Variants in CSK observed in about 807,000 individuals in gnomAD.
The protein encoded by CSK is C-terminal Src kinase, also known as tyrosine-protein kinase CSK.
CSK carries 7 observed loss-of-function variants against 62.3 expected under a neutral mutation model. That is an observed-to-expected ratio of 0.11 (90% confidence interval 0.06 to 0.21). The LOEUF (loss-of-function observed/expected upper bound fraction) is 0.21, where lower values mean the gene tolerates loss of function less well. CSK is among the 10% of genes least tolerant of loss of function. CSK has a pLI of 1.00. For synonymous variants in CSK, 237 were observed against 246.0 expected, an observed-to-expected ratio of 0.96 and a Z score of 0.34; for missense variants, 294 against 613.5, an observed-to-expected ratio of 0.48 and a Z score of 5.50.
Position 74,802,785 on chromosome 15 carries a change from G to A in CSK, c.*272G>A, listed in dbSNP as rs1471875513. 3.1e-5 allele frequency: 13 copies of A among 416,730 alleles called. No individual in the cohort carries two copies. The highest frequency in any genetic ancestry group is 2.9e-4 in the East Asian group (7 of 24,398). The allele number at this position is 416,730 out of a possible 1,614,324, so 25.8% of individuals were successfully genotyped here. A position where few individuals can be genotyped will look rare whatever the true frequency, so the allele number is the denominator to read the frequency against. ...GGGCTTCCCTGGCCTCCCGCCACTC[G>A]CCTTCTTAGAGTTTTATTCCTTTCC... On this transcript the variant is annotated 3_prime_UTR_variant, in exon 13 of 13. Coordinates refer to ENST00000220003, the MANE Select transcript of CSK (RefSeq NM_004383.3).
chr15:74,786,627 G>C (rs1313862464), intron 1 of CSK, among the ~76,000 whole-genome samples: 1 of 152,158 alleles, frequency 6.6e-6, no homozygotes, highest in East Asian at 1.9e-4. Flanking sequence ...TGTTCCCCAG[G>C]TCTAACCTGA....
chr15:74,800,314 C>G (rs2063768943), intron 5 of CSK, 98 bp from the exon 6 acceptor site: 1 of 1,024,850 alleles, frequency 9.8e-7, no homozygotes, highest in East Asian at 2.6e-5. Flanking sequence ...CCAGGCTAGG[C>G]GGGGCTGGCC....
chr15:74,783,657 C>T (rs919551875), intron 1 of CSK, among the ~76,000 whole-genome samples: 1 of 152,226 alleles, frequency 6.6e-6, no homozygotes, highest in Non-Finnish European at 1.5e-5. Context: ...TGGTTGAGCA[C>T]GTGCTTCCCT....
At position 74,799,262 on chromosome 15, in the gene CSK, T is replaced by G; in HGVS notation, c.243-10T>G. 1.9e-6 allele frequency: 3 copies of G among 1,602,876 alleles called. No homozygotes were observed. Among genetic ancestry groups the G allele is most frequent in the Non-Finnish European group, 2.6e-6 (3 of 1,174,548 alleles). ...GGGCCACCATGACCTCCAGCCCTGCTGCTCCCCAGTTGGTTCCACGGCAAG... is the reference window on the plus strand; with the variant it reads ...GGGCCACCATGACCTCCAGCCCTGCGGCTCCCCAGTTGGTTCCACGGCAAG... On this transcript the variant is annotated splice_polypyrimidine_tract_variant and intron_variant, in intron 4 of 12. Transcript: ENST00000220003.
intron 1 of CSK, among the ~76,000 whole-genome samples, chr15:74,789,133 A>C (rs1479559043): frequency 1.3e-5 from 2 of 152,206 alleles, no homozygotes; most frequent in African/African-American, 4.8e-5. Context: ...AGGGGAAAAA[A>C]AGCCAGTGTG....
At chr15:74,797,841 C>T (rs2063730253) in intron 1 of CSK, 1 of 157,862 alleles carries the variant, frequency 6.3e-6, no homozygotes, top group South Asian at 1.8e-4. Context: ...ACCCAAGGAC[C>T]CACAGAGCAT....
rs377449027 is a variant in CSK at position 74,800,942 on chromosome 15, G to T, written c.722+20G>T. ...CATGACGTGAGTGGGGGCGGGGTAG[G>T]GGGGAGGTTGGCCTAGGTTAGGAGT... On this transcript the variant is annotated intron_variant, in intron 8 of 12. Transcript: ENST00000220003. The T allele has an allele frequency of 4.3e-6, 7 of 1,612,882 alleles. No homozygotes were observed. The highest frequency in any genetic ancestry group is 2.2e-5 in the East Asian group (1 of 44,884).
At chr15:74,800,950 T>C in intron 8 of CSK, 28 bp downstream of exon 8, 1 of 1,611,262 alleles carries the variant, frequency 6.2e-7, no homozygotes, top group Non-Finnish European at 8.5e-7. Context: ...AGGGGGGAGG[T>C]TGGCCTAGGT....
At position 74,801,761 on chromosome 15, in the gene CSK, C is replaced by T. The variant is rs1358482796; in HGVS notation, c.954C>T (p.Arg318=). The change falls in exon 11 of 13, where the codon CGC becomes CGT. Residue 318 remains arginine (R), a synonymous_variant. Transcript: ENST00000220003. ...NNFVHRDLAA[R]NVLVSEDNVA... ...TCGTGCATCGAGACCTGGCTGCCCGCAATGTGCTGGTGTCTGAGGACAACG... is the reference window on the plus strand; with the variant it reads ...TCGTGCATCGAGACCTGGCTGCCCGTAATGTGCTGGTGTCTGAGGACAACG... 2 of 1,614,082 alleles carry T rather than the reference C, an allele frequency of 1.2e-6. No individual in the cohort carries two copies. The highest frequency in any genetic ancestry group is 1.7e-6 in the Non-Finnish European group (2 of 1,180,022).
In CSK at chr15:74,782,107, G is replaced by A. The variant is rs2063442109; in HGVS notation, c.-679G>A. The stretch of plus-strand genomic sequence containing the variant: ...ATCCGGGCCGCGCTTCCTCTCGCCA[G>A]GCCTGCGAGCTTCCTCCCAGCGGAG... On this transcript the variant is annotated 5_prime_UTR_variant, in exon 1 of 13. Transcript: ENST00000220003. The surrounding 1 kb of genome is among the most constrained non-coding windows in gnomAD (Gnocchi z 5.7). 6.7e-6 allele frequency: 1 copy of A among 148,152 alleles called. No homozygotes were observed. The highest frequency in any genetic ancestry group is 6.7e-5 in the Admixed American group (1 of 14,830). The allele number at this position is 148,152 out of a possible 1,614,324, so 9.2% of individuals were successfully genotyped here.
At chr15:74,789,531 G>A (rs1413866585) in intron 1 of CSK, among the ~76,000 whole-genome samples, 1 of 152,172 alleles carries the variant, frequency 6.6e-6, no homozygotes, top group Non-Finnish European at 1.5e-5. Context: ...TGGGTGCCCC[G>A]CCCTCCTCAG....
chr15:74,791,542 TATC>T (rs769339856), intron 1 of CSK, among the ~76,000 whole-genome samples: 1 of 152,220 alleles, frequency 6.6e-6, no homozygotes, highest in Non-Finnish European at 1.5e-5. Context: ...AATTCCATAT[TATC>T]TACTATGTCC....
At position 74,801,460 on chromosome 15, in the gene CSK, G is replaced by A. The variant is rs1468304313; in HGVS notation, c.814-62G>A. The A allele has an allele frequency of 3.3e-6, 5 of 1,528,136 alleles. No individual in the cohort carries two copies. The Admixed American group carries it at 9.3e-5, about 29-fold the overall frequency. The allele number at this position is 1,528,136 out of a possible 1,614,324, so 94.7% of individuals were successfully genotyped here. A position where few individuals can be genotyped will look rare whatever the true frequency, so the allele number is the denominator to read the frequency against. ...GTCAACACCCACCCGGCCCCAGCGT[G>A]CTGTGTGAGAGGGCTGCAGGGCACG... is the stretch of plus-strand genomic sequence containing the variant. On this transcript the variant is annotated intron_variant, in intron 9 of 12. Coordinates refer to ENST00000220003, the MANE Select transcript of CSK (RefSeq NM_004383.3).
At chr15:74,787,009 C>T (rs913899242) in intron 1 of CSK, among the ~76,000 whole-genome samples, 5 of 152,164 alleles carry the variant, frequency 3.3e-5, no homozygotes, top group Admixed American at 2.6e-4. Flanking sequence ...GGGTGGGGTC[C>T]GCCCCAAGAT....
In CSK at chr15:74,801,986, C is replaced by G. The variant is rs772826273; in HGVS notation, c.1084-11C>G. ...CAGGATCTGACGCTGCTTCTTCCAT[C>G]CACATGGCAGAAATTCTCCACTAAG... On this transcript the variant is annotated splice_polypyrimidine_tract_variant and intron_variant, in intron 11 of 12. Transcript: ENST00000220003. 1.7e-5 allele frequency: 28 copies of G among 1,613,184 alleles called. No homozygotes were observed. Among genetic ancestry groups the G allele is most frequent in the Middle Eastern group, 1.6e-4 (1 of 6,066 alleles).
At chr15:74,788,078 G>A (rs895213690) in intron 1 of CSK, among the ~76,000 whole-genome samples, 7 of 152,220 alleles carry the variant, frequency 4.6e-5, no homozygotes, top group Non-Finnish European at 7.4e-5. Flanking sequence ...AGGGCCTCCT[G>A]GAGGGGAAGG....
At chr15:74,796,579 G>C (rs1319899829) in intron 1 of CSK, among the ~76,000 whole-genome samples, 1 of 149,324 alleles carries the variant, frequency 6.7e-6, no homozygotes, top group Non-Finnish European at 1.5e-5. Flanking sequence ...GGGCAACAGA[G>C]TGAGACCCTT....
At position 74,798,241 on chromosome 15, in the gene CSK, G is replaced by T. The variant is rs377132612; in HGVS notation, c.-57G>T. 26 of 1,533,460 alleles carry T rather than the reference G, an allele frequency of 1.7e-5. No individual in the cohort carries two copies. The highest frequency in any genetic ancestry group is 2.2e-5 in the Non-Finnish European group (25 of 1,140,454). The allele number at this position is 1,533,460 out of a possible 1,614,324, so 95.0% of individuals were successfully genotyped here. A position where few individuals can be genotyped will look rare whatever the true frequency, so the allele number is the denominator to read the frequency against. ...CATGCTCTTCCCCACAGCTCTAATG[G>T]TACCAAGTGACAGGTTGGCTTTACT... On this transcript the variant is annotated 5_prime_UTR_variant, in exon 2 of 13. Transcript: ENST00000220003. The surrounding 1 kb of genome is among the most constrained non-coding windows in gnomAD (Gnocchi z 6.6).
chr15:74,797,167 C>T (rs768095120), intron 1 of CSK, among the ~76,000 whole-genome samples: 19 of 152,168 alleles, frequency 1.2e-4, no homozygotes, highest in Non-Finnish European at 2.8e-4. Context: ...GTCTTGAACT[C>T]CTCCTGGGTT....
Sources: allele counts gnomAD v4.1 joint callset (sites outside exome capture counted in the v4.1 genomes callset), GRCh38; gene constraint gnomAD v4.1.1; non-coding constraint Gnocchi (gnomAD v3.1); transcripts MANE v1.5; gene names NCBI Gene and HGNC (gene_info 2026-07-23, HGNC 2026-07-21).